POU2F1: variants seen among roughly 807,000 people sequenced by gnomAD.
The protein encoded by POU2F1 is POU domain, class 2, transcription factor 1.
In POU2F1, 16 loss-of-function variants were observed where a neutral mutation model predicts 84.9. That is an observed-to-expected ratio of 0.19 (90% CI 0.13 to 0.29). The LOEUF (loss-of-function observed/expected upper bound fraction) is 0.29. Among genes scored for constraint, POU2F1 ranks in the 10% least tolerant of loss-of-function variants. POU2F1 has a pLI of 1.00. For synonymous variants in POU2F1, 368 were observed against 368.3 expected, an observed-to-expected ratio of 1.00 and a Z score of 0.01; for missense variants, 738 against 942.6, an observed-to-expected ratio of 0.78 and a Z score of 2.84.
intron 7 of POU2F1, among the ~76,000 whole-genome samples, chr1:167,377,205 C>T (rs1355774104): frequency 6.6e-6 from 1 of 152,122 alleles, no homozygotes; most frequent in Non-Finnish European, 1.5e-5. Context: ...TTAGCAGAGA[C>T]CAGATCATTA....
intron 1 of POU2F1, among the ~76,000 whole-genome samples, chr1:167,287,095 C>CTT (rs1474343957): frequency 1.3e-5 from 2 of 152,128 alleles, no homozygotes; most frequent in Non-Finnish European, 2.9e-5. Context: ...AGCTGTAACT[C>CTT]TTAAAGACTT....
chr1:167,388,326 C>T (rs908754092), intron 8 of POU2F1, among the ~76,000 whole-genome samples: 4 of 152,066 alleles, frequency 2.6e-5, no homozygotes, highest in Non-Finnish European at 4.4e-5. Flanking sequence ...AAACTGCTAA[C>T]GTAAGTCATG....
chr1:167,243,085 T>C (rs1557840577), intron 1 of POU2F1, among the ~76,000 whole-genome samples: 1 of 152,242 alleles, frequency 6.6e-6, no homozygotes, highest in Admixed American at 6.5e-5. Flanking sequence ...GCTACTTAAC[T>C]ATATGCTCAT....
intron 1 of POU2F1, among the ~76,000 whole-genome samples, chr1:167,302,044 C>CACAAAA (rs1438824120): frequency 2.0e-5 from 3 of 151,982 alleles, no homozygotes; most frequent in African/African-American, 7.2e-5. Context: ...CCCCTTCACT[C>CACAAAA]ACAAAAACAA....
At chr1:167,261,168 A>C (rs932691442) in intron 1 of POU2F1, among the ~76,000 whole-genome samples, 2 of 152,172 alleles carry the variant, frequency 1.3e-5, no homozygotes, top group African/African-American at 4.8e-5. Context: ...CTGATGTTTA[A>C]AGAGGTAATT....
chr1:167,352,644 G>A (rs1329925187), intron 2 of POU2F1, among the ~76,000 whole-genome samples: 1 of 152,128 alleles, frequency 6.6e-6, no homozygotes, highest in Non-Finnish European at 1.5e-5. Context: ...TTTCTTATTT[G>A]TAAAACAAGG....
intron 1 of POU2F1, among the ~76,000 whole-genome samples, chr1:167,276,776 G>A (rs943866672): frequency 6.6e-6 from 1 of 152,056 alleles, no homozygotes; most frequent in Non-Finnish European, 1.5e-5. Flanking sequence ...GTTCCATATT[G>A]TCATCAAATA....
chr1:167,416,715 A>C lies in POU2F1; in HGVS notation c.*905A>C, dbSNP rs1219639099. 1.3e-5 allele frequency: 2 copies of C among 152,370 alleles called. No individual in the cohort carries two copies. Among genetic ancestry groups the C allele is most frequent in the East Asian group, 3.8e-4 (2 of 5,216 alleles). 9.4% of individuals were successfully genotyped at this position (152,370 alleles called of 1,614,324 possible). A position where few individuals can be genotyped will look rare whatever the true frequency, so the allele number is the denominator to read the frequency against. ...GCCTTTGGAGCACTTTTGTGTAGGAAGGAATTCCTGCTGAACTGTAGCTCT... is the reference window on the plus strand; with the variant it reads ...GCCTTTGGAGCACTTTTGTGTAGGACGGAATTCCTGCTGAACTGTAGCTCT... On this transcript the variant is annotated 3_prime_UTR_variant, in exon 16 of 16. Transcript: ENST00000367866.
chr1:167,402,980 G>A (rs1193184419), intron 13 of POU2F1, among the ~76,000 whole-genome samples: 4 of 152,176 alleles, frequency 2.6e-5, no homozygotes, highest in Non-Finnish European at 2.9e-5. Context: ...TAGCTTTGCA[G>A]TTTTCTTAAA....
At chr1:167,258,127 A>T (rs971061448) in intron 1 of POU2F1, among the ~76,000 whole-genome samples, 2 of 152,160 alleles carry the variant, frequency 1.3e-5, no homozygotes, top group African/African-American at 4.8e-5. Context: ...AAACATAGGC[A>T]AGCTGATTCT....
chr1:167,367,380 A>G (rs1468921049), intron 3 of POU2F1, among the ~76,000 whole-genome samples: 2 of 152,200 alleles, frequency 1.3e-5, no homozygotes, highest in African/African-American at 2.4e-5. Context: ...AAAGAACCCC[A>G]TAATACAATA....
At chr1:167,267,630 C>CT (rs71073658) in intron 1 of POU2F1, among the ~76,000 whole-genome samples, 11,430 of 70,172 alleles carry the variant, frequency 0.16, 2,978 homozygotes, top group Middle Eastern at 0.4. Flanking sequence ...GTTACTGTGT[C>CT]TTTTTTTTTT....
chr1:167,309,176 G>C (rs1557884036), intron 1 of POU2F1, among the ~76,000 whole-genome samples: 2 of 151,708 alleles, frequency 1.3e-5, no homozygotes, highest in Non-Finnish European at 1.5e-5. Context: ...CAAGATGTGG[G>C]TGCCAAGTAT....
At position 167,353,444 on chromosome 1, in the gene POU2F1, C is replaced by T. The variant is rs371874527; in HGVS notation, c.128-12023C>T. Among the ~76,000 whole-genome samples the T allele has an allele frequency of 3.3e-5, 5 of 151,932 alleles. No homozygotes were observed. The East Asian group carries it at 7.7e-4, about 24-fold the overall frequency. Reference sequence around the variant, plus strand: ...TCTTCTCGTACCCTTCAGGTTTCTGCCCTATCTTTCAACCGCTATTGTTCT... The same window carrying T: ...TCTTCTCGTACCCTTCAGGTTTCTGTCCTATCTTTCAACCGCTATTGTTCT... On this transcript the variant is annotated intron_variant, in intron 2 of 15. Coordinates refer to ENST00000367866, the MANE Select transcript of POU2F1 (RefSeq NM_002697.4).
intron 2 of POU2F1, among the ~76,000 whole-genome samples, chr1:167,340,425 TTTTTTC>T (rs1657762122): frequency 3.5e-5 from 5 of 142,116 alleles, no homozygotes; most frequent in African/African-American, 5.8e-5. Context: ...TCTTTTTTCT[TTTTTTC>T]TTTTTTTTTT....
intron 1 of POU2F1, among the ~76,000 whole-genome samples, chr1:167,268,626 G>A (rs1039668565): frequency 2.0e-5 from 3 of 152,126 alleles, no homozygotes; most frequent in Non-Finnish European, 2.9e-5. Flanking sequence ...ATTACCTCAC[G>A]TTTTCCTCCT....
chr1:167,256,942 ATGTGACTGTACCTTT>A (rs1176374668), intron 1 of POU2F1, among the ~76,000 whole-genome samples: 1 of 152,172 alleles, frequency 6.6e-6, no homozygotes, highest in Non-Finnish European at 1.5e-5. Flanking sequence ...ACCTGTCCGA[ATGTGACTGTACCTTT>A]TCACTGTCTG....
At chr1:167,308,736 C>T (rs1166482735) in intron 1 of POU2F1, among the ~76,000 whole-genome samples, 3 of 152,090 alleles carry the variant, frequency 2.0e-5, no homozygotes, top group Non-Finnish European at 4.4e-5. Context: ...TCAGGCTGAT[C>T]TCAAACTCCT....
At chr1:167,232,951 A>G (rs1388831674) in intron 1 of POU2F1, among the ~76,000 whole-genome samples, 3 of 151,888 alleles carry the variant, frequency 2.0e-5, no homozygotes, top group Non-Finnish European at 1.5e-5. Context: ...TTTAAAGTGT[A>G]TAGTAGTGTA....
Sources: allele counts gnomAD v4.1 joint callset (sites outside exome capture counted in the v4.1 genomes callset), GRCh38; gene constraint gnomAD v4.1.1; transcripts MANE v1.5; gene names NCBI Gene and HGNC (gene_info 2026-07-23, HGNC 2026-07-21).